Variants in SNX30 observed in about 807,000 individuals in gnomAD.
SNX30 encodes the protein sorting nexin family member 30.
In SNX30, 24 loss-of-function variants were observed where a neutral mutation model predicts 46.4. That is an observed-to-expected ratio of 0.52 (90% CI 0.37 to 0.73). SNX30 has a LOEUF of 0.73. SNX30 is among the 30% of genes least tolerant of loss of function. The pLI is 0.00. For synonymous variants in SNX30, 189 were observed against 211.5 expected, an observed-to-expected ratio of 0.89 and a Z score of 0.92; for missense variants, 533 against 555.7, an observed-to-expected ratio of 0.96 and a Z score of 0.41.
At chr9:112,854,258 G>A (rs1841083268) in intron 7 of SNX30, among the ~76,000 whole-genome samples, 1 of 152,200 alleles carries the variant, frequency 6.6e-6, no homozygotes, top group Non-Finnish European at 1.5e-5. Flanking sequence ...CGCTGGTTTT[G>A]TGCCCTCAGA....
chr9:112,884,802 A>G (rs1483811913), downstream of SNX30, among the ~76,000 whole-genome samples: 1 of 152,004 alleles, frequency 6.6e-6, no homozygotes, highest in Non-Finnish European at 1.5e-5. Context: ...AACTAGTAAG[A>G]CTCCTTTCCT....
intron 7 of SNX30, among the ~76,000 whole-genome samples, chr9:112,853,180 C>T (rs574709429): frequency 1.4e-3 from 212 of 152,288 alleles, no homozygotes; most frequent in Non-Finnish European, 1.3e-3. Context: ...TACACCAGAG[C>T]GTAAAGGCTG....
chr9:112,832,027 A>G (rs932549723), intron 4 of SNX30, among the ~76,000 whole-genome samples: 1 of 152,186 alleles, frequency 6.6e-6, no homozygotes, highest in Non-Finnish European at 1.5e-5. Flanking sequence ...TATAGATAAC[A>G]TTAGGTGACA....
chr9:112,847,284 A>C (rs917863417), intron 6 of SNX30, among the ~76,000 whole-genome samples: 6 of 152,140 alleles, frequency 3.9e-5, no homozygotes, highest in African/African-American at 1.4e-4. Context: ...TCCCGCGCAT[A>C]TCCCAGCCAG....
chr9:112,849,178 C>T lies in SNX30; in HGVS notation c.1015-1681C>T, dbSNP rs371461644. Among the ~76,000 whole-genome samples, 23 of 152,306 alleles carry T rather than the reference C, an allele frequency of 1.5e-4. No homozygotes were observed. In the East Asian group the frequency reaches 2.5e-3, roughly 17 times the overall value. The stretch of plus-strand genomic sequence containing the variant: ...TGCACCTTGGGGAACCACATTTGCA[C>T]GTCCATGGAGAAGAGGATTTTTACT... On this transcript the variant is annotated intron_variant, in intron 6 of 8. Transcript: ENST00000374232.
intron 2 of SNX30, among the ~76,000 whole-genome samples, chr9:112,806,950 A>G (rs937917272): frequency 1.3e-5 from 2 of 151,706 alleles, no homozygotes; most frequent in Admixed American, 1.3e-4. Flanking sequence ...TTACTCTTTC[A>G]ATCTCTGTCT....
intron 6 of SNX30, among the ~76,000 whole-genome samples, chr9:112,847,381 C>G (rs1840955252): frequency 6.6e-6 from 1 of 152,206 alleles, no homozygotes. Flanking sequence ...TAATTTTACA[C>G]AAATCCTGGA....
intron 2 of SNX30, among the ~76,000 whole-genome samples, chr9:112,815,963 C>G (rs757547684): frequency 1.1e-4 from 17 of 152,184 alleles, no homozygotes; most frequent in Admixed American, 5.2e-4. Context: ...CCTGCCTCAG[C>G]CTCTGAGTAG....
intron 4 of SNX30, 151 bp downstream of exon 4, chr9:112,831,034 AGG>A: frequency 4.3e-6 from 3 of 701,686 alleles, no homozygotes; most frequent in South Asian, 2.3e-5. Context: ...GCTACCTGGG[AGG>A]CTAAGGCAGG....
At chr9:112,850,979 T>C (rs762337295) in intron 7 of SNX30, 34 bp downstream of exon 7, 82 of 1,534,424 alleles carry the variant, frequency 5.3e-5, no homozygotes, top group Non-Finnish European at 7.1e-5. Flanking sequence ...GCTGCAAAGC[T>C]GTAGTCTCCC....
At chr9:112,861,388 T>C (rs1036173819) in intron 7 of SNX30, among the ~76,000 whole-genome samples, 1 of 152,180 alleles carries the variant, frequency 6.6e-6, no homozygotes, top group Non-Finnish European at 1.5e-5. Flanking sequence ...TTAACACATA[T>C]TAGCCTGTCT....
downstream of SNX30, among the ~76,000 whole-genome samples, chr9:112,884,506 A>G (rs1054407580): frequency 3.9e-5 from 6 of 152,150 alleles, no homozygotes; most frequent in African/African-American, 1.4e-4. Context: ...TACACCAGAG[A>G]TTCTCAATCT....
intron 3 of SNX30, among the ~76,000 whole-genome samples, chr9:112,828,959 T>C (rs1165456790): frequency 6.6e-6 from 1 of 152,184 alleles, no homozygotes; most frequent in African/African-American, 2.4e-5. Flanking sequence ...CTACTGTCTG[T>C]CTCTGTGGGT....
At chr9:112,850,997 G>T (rs1754035932) in intron 7 of SNX30, 52 bp downstream of exon 7, 1 of 1,423,394 alleles carries the variant, frequency 7.0e-7, no homozygotes, top group Non-Finnish European at 9.9e-7. Flanking sequence ...CCCTGCTGGT[G>T]CTAAGTAAAT....
chr9:112,807,052 C>CTT (rs10554051), intron 2 of SNX30, among the ~76,000 whole-genome samples: 3 of 63,006 alleles, frequency 4.8e-5, no homozygotes, highest in Non-Finnish European at 7.9e-5. Context: ...TCTTTTCTAT[C>CTT]TTTTTTTTTT....
chr9:112,819,765 A>G (rs1443840098), intron 3 of SNX30, among the ~76,000 whole-genome samples: 2 of 152,106 alleles, frequency 1.3e-5, no homozygotes, highest in South Asian at 2.1e-4. Flanking sequence ...GGCTTTCCCA[A>G]TCGGGGTAAT....
intron 1 of SNX30, among the ~76,000 whole-genome samples, chr9:112,786,158 C>T (rs1326590511): frequency 6.6e-6 from 1 of 151,004 alleles, no homozygotes; most frequent in Admixed American, 6.6e-5. Flanking sequence ...CACCCTGTCA[C>T]CCAGGCTGGA....
intron 1 of SNX30, among the ~76,000 whole-genome samples, chr9:112,789,097 C>T (rs543431459): frequency 7.9e-5 from 12 of 152,224 alleles, no homozygotes; most frequent in African/African-American, 2.6e-4. Flanking sequence ...CACCTGGCCC[C>T]GAGAACAGGA....
intron 7 of SNX30, among the ~76,000 whole-genome samples, chr9:112,860,226 G>A (rs976157804): frequency 1.3e-5 from 2 of 152,232 alleles, no homozygotes; most frequent in Admixed American, 6.5e-5. Context: ...GATTACAGGC[G>A]TGAGCCACTG....
Sources: gnomAD v4.1 joint callset for allele counts (sites outside exome capture counted in the v4.1 genomes callset) on GRCh38, gnomAD v4.1.1 for gene constraint, MANE v1.5 for transcripts, NCBI Gene and HGNC (gene_info 2026-07-23, HGNC 2026-07-21) for gene names.